TMEM225B: variants seen among roughly 807,000 people sequenced by gnomAD.
TMEM225B encodes transmembrane protein 225-like.
Under a neutral mutation model 16.9 loss-of-function variants are expected in TMEM225B, and 10 were observed. The observed-to-expected ratio is 0.59, with a 90% confidence interval of 0.36 to 1.00. The LOEUF (loss-of-function observed/expected upper bound fraction) is 1.00, where lower values mean the gene tolerates loss of function less well. Ranked by LOEUF, TMEM225B falls within the 50% of genes least tolerant of loss-of-function variation. TMEM225B has a pLI of 0.01. For missense variants in TMEM225B, 217 were observed against 267.0 expected (o/e 0.81, Z 1.30); for synonymous variants, 92 against 109.8 (o/e 0.84, Z 1.01).
intron 5 of TMEM225B, among the ~76,000 whole-genome samples, chr7:99,608,159 G>A (rs1805982393): frequency 6.6e-6 from 1 of 152,184 alleles, no homozygotes; most frequent in East Asian, 1.9e-4. Context: ...GGAGGTTGAG[G>A]CAGGAGAATC....
At chr7:99,604,364 C>T (rs1402283840) in intron 2 of TMEM225B, 22 bp from the exon 3 acceptor site, 34 of 1,519,880 alleles carry the variant, frequency 2.2e-5, no homozygotes, top group Non-Finnish European at 2.8e-5. Flanking sequence ...CCCACCTCCA[C>T]GATCACTTTT....
intron 2 of TMEM225B, among the ~76,000 whole-genome samples, chr7:99,600,836 T>A (rs1805297916): frequency 6.6e-6 from 1 of 151,628 alleles, no homozygotes; most frequent in Non-Finnish European, 1.5e-5. Context: ...GTTCCAGGTG[T>A]GGAGGGAGAC....
chr7:99,609,686 G>A (rs1011432498), intron 5 of TMEM225B, among the ~76,000 whole-genome samples: 1 of 151,390 alleles, frequency 6.6e-6, no homozygotes, highest in Non-Finnish European at 1.5e-5. Flanking sequence ...CACCCACCTC[G>A]GCCTCCCAAA....
chr7:99,607,162 A>T (rs182673522), intron 4 of TMEM225B, among the ~76,000 whole-genome samples: 43 of 144,840 alleles, frequency 3.0e-4, no homozygotes, highest in Admixed American at 2.1e-4. Flanking sequence ...TAATTTAAAC[A>T]TTTTTTTTTT....
Position 99,606,794 on chromosome 7 carries a change from G to A in TMEM225B, c.255G>A (p.Leu85=), listed in dbSNP as rs1562954735. 2 of 1,536,056 alleles carry A rather than the reference G, an allele frequency of 1.3e-6. No individual in the cohort carries two copies. The highest frequency in any genetic ancestry group is 1.7e-6 in the Non-Finnish European group (2 of 1,146,890). The part of the protein sequence containing the change: ...GRVFLLSAVF[L]AFVTTFIMMP... ...TTTTCCTGCTCTCTGCAGTTTTCTT[G>A]GCTTTCGTCACCACCTTCATCATGA... Residue 85 remains leucine, a synonymous_variant, in exon 4 of 6, where the codon TTG becomes TTA. Coordinates refer to ENST00000431679, the MANE Select transcript of TMEM225B (RefSeq NM_001195541.3).
At chr7:99,609,217 C>T (rs1031272268) in intron 5 of TMEM225B, among the ~76,000 whole-genome samples, 2 of 152,002 alleles carry the variant, frequency 1.3e-5, no homozygotes, top group African/African-American at 4.8e-5. Context: ...TTCTTAATTT[C>T]CCCTTCACCA....
chr7:99,600,257 A>G lies in TMEM225B; in HGVS notation c.-32A>G, dbSNP rs1441927138. On this transcript the variant is annotated 5_prime_UTR_variant, in exon 2 of 6. Coordinates refer to ENST00000431679, the MANE Select transcript of TMEM225B (RefSeq NM_001195541.3). Reference sequence around the variant, plus strand: ...CTTTTTTCATCTCTGAATCCCCACCATTGGCCTACATTGGGAGTGGGGCGA... The same window carrying G: ...CTTTTTTCATCTCTGAATCCCCACCGTTGGCCTACATTGGGAGTGGGGCGA... The G allele has an allele frequency of 8.5e-6, 6 of 702,756 alleles. No homozygotes were observed. Among genetic ancestry groups the G allele is most frequent in the Non-Finnish European group, 1.6e-5 (6 of 384,956 alleles). 43.5% of individuals were successfully genotyped at this position (702,756 alleles called of 1,614,324 possible).
intron 4 of TMEM225B, among the ~76,000 whole-genome samples, chr7:99,607,172 T>TC (rs922478214): frequency 3.4e-4 from 52 of 151,916 alleles, no homozygotes; most frequent in African/African-American, 1.2e-3. Context: ...ATTTTTTTTT[T>TC]TGGTAGAGAT....
At chr7:99,607,115 G>A (rs1046380547) in intron 4 of TMEM225B, among the ~76,000 whole-genome samples, 4 of 152,028 alleles carry the variant, frequency 2.6e-5, no homozygotes, top group Non-Finnish European at 4.4e-5. Context: ...AGCCTCCCAA[G>A]TAGATGGGAC....
In TMEM225B at chr7:99,599,125, ATT is replaced by A. The variant is rs769617190; in HGVS notation, c.-85+766_-85+767del. ...CAGGCGCCCCCACCACGCCTGGCTA[ATT>A]TTTTTTTTTTTTTTTTTTTTTGTAT... On this transcript the variant is annotated intron_variant, in intron 1 of 5. Transcript: ENST00000431679. Among the ~76,000 whole-genome samples, 883 of 115,466 alleles carry A rather than the reference ATT, an allele frequency of 7.6e-3. 3 individuals carry two copies. Among genetic ancestry groups the A allele is most frequent in the African/African-American group, 0.027 (747 of 27,942 alleles). The allele number at this position is 115,466 out of a possible 152,430, so 75.8% of individuals were successfully genotyped here.
chr7:99,608,401 C>T (rs1052930007), intron 5 of TMEM225B, among the ~76,000 whole-genome samples: 2 of 152,138 alleles, frequency 1.3e-5, no homozygotes, highest in African/African-American at 4.8e-5. Flanking sequence ...GCAGAACGTT[C>T]TACCTGACAG....
In TMEM225B at chr7:99,606,749, T is replaced by C. The variant is rs1041836092; in HGVS notation, c.210T>C (p.Ile70=). 2 of 1,535,890 alleles carry C rather than the reference T, an allele frequency of 1.3e-6. No homozygotes were observed. The highest frequency in any genetic ancestry group is 2.7e-5 in the African/African-American group (2 of 73,028). The part of the protein sequence containing the change: ...AKCWKPRPLS[I]YIILGRVFLL... ...GCCCCACTTCTCCCTCCCCTGCAGT[T>C]TACATCATCCTCGGCCGGGTTTTCC... The change falls in exon 4 of 6, where the codon ATT becomes ATC. Residue 70 remains isoleucine, a splice_region_variant and synonymous_variant. Coordinates refer to ENST00000431679, the MANE Select transcript of TMEM225B (RefSeq NM_001195541.3).
chr7:99,607,412 C>A (rs1805911519), intron 4 of TMEM225B, among the ~76,000 whole-genome samples: 1 of 152,150 alleles, frequency 6.6e-6, no homozygotes, highest in Non-Finnish European at 1.5e-5. Context: ...GCACCCTCTG[C>A]TAAGGTGCAG....
intron 2 of TMEM225B, among the ~76,000 whole-genome samples, chr7:99,604,163 C>G (rs978271947): frequency 6.6e-6 from 1 of 152,146 alleles, no homozygotes; most frequent in Non-Finnish European, 1.5e-5. Context: ...TGCCCAAGAT[C>G]ACCCAGTGAT....
At position 99,604,620 on chromosome 7, in the gene TMEM225B, GGA is replaced by G. The variant is rs1299624516; in HGVS notation, c.208+32_208+33del. Reference sequence around the variant, plus strand: ...CAGTAAGGAGGGATGGAGGCGGGGAGGAGAGAGAGGGAGATGGGGCCAGTGTT... The same window carrying G: ...CAGTAAGGAGGGATGGAGGCGGGGAGGAGAGAGGGAGATGGGGCCAGTGTT... On this transcript the variant is annotated intron_variant, in intron 3 of 5. Transcript: ENST00000431679. The G allele has an allele frequency of 7.3e-6, 11 of 1,509,830 alleles. No individual in the cohort carries two copies. In the East Asian group the frequency reaches 9.8e-5, roughly 13 times the overall value. The allele number at this position is 1,509,830 out of a possible 1,614,324, so 93.5% of individuals were successfully genotyped here. A position where few individuals can be genotyped will look rare whatever the true frequency, so the allele number is the denominator to read the frequency against.
In TMEM225B at chr7:99,599,758, G is replaced by A. The variant is rs557120326; in HGVS notation, c.-84-447G>A. ...TTGGGAATCACTGAATTGAACTGCC[G>A]GCCATTGGTGGCTGGTGAGACTGTC... On this transcript the variant is annotated intron_variant, in intron 1 of 5. Transcript: ENST00000431679. 2.6e-5 allele frequency among the ~76,000 whole-genome samples: 4 copies of A among 152,268 alleles called. No individual in the cohort carries two copies. The East Asian group carries it at 5.8e-4, about 22-fold the overall frequency.
Position 99,610,436 on chromosome 7 carries a change from CTTG to C in TMEM225B, c.542_544del (p.Leu181del), listed in dbSNP as rs1806251144. ...AAGAAATGGTTTGCCCTTGCTGGCA[CTTG>C]TTGTCCACTTCCCAGAGTATGGAGG... is the stretch of plus-strand genomic sequence containing the variant. On this transcript the variant is annotated inframe_deletion, in exon 6 of 6. Transcript: ENST00000431679. The C allele has an allele frequency of 1.3e-6, 2 of 1,536,086 alleles. No individual in the cohort carries two copies. The highest frequency in any genetic ancestry group is 1.7e-6 in the Non-Finnish European group (2 of 1,146,904).
chr7:99,603,777 T>A (rs1035222740), intron 2 of TMEM225B, among the ~76,000 whole-genome samples: 1 of 152,022 alleles, frequency 6.6e-6, no homozygotes. Context: ...TTTGTTTTTT[T>A]TTGAGACAAG....
At position 99,606,642 on chromosome 7, in the gene TMEM225B, A is replaced by G. The variant is rs1019438808; in HGVS notation, c.209-106A>G. On this transcript the variant is annotated intron_variant, in intron 3 of 5. Transcript: ENST00000431679. ...GTCCCAAGGCCATGCTTTGGGATCT[A>G]AGGGTGGTGGAGGCTCCGGGGGCCA... The G allele has an allele frequency of 4.9e-6, 5 of 1,018,812 alleles. No individual in the cohort carries two copies. In the African/African-American group the frequency reaches 8.1e-5, roughly 17 times the overall value. The allele number at this position is 1,018,812 out of a possible 1,614,324, so 63.1% of individuals were successfully genotyped here. A position where few individuals can be genotyped will look rare whatever the true frequency, so the allele number is the denominator to read the frequency against.
Sources: gnomAD v4.1 joint callset for allele counts (sites outside exome capture counted in the v4.1 genomes callset) on GRCh38, gnomAD v4.1.1 for gene constraint, MANE v1.5 for transcripts, NCBI Gene and HGNC (gene_info 2026-07-23, HGNC 2026-07-21) for gene names.